DCC: variants seen among roughly 807,000 people sequenced by gnomAD.
DCC encodes DCC netrin 1 receptor.
DCC carries 58 observed loss-of-function variants against 172.5 expected under a neutral mutation model. The ratio of observed to expected loss-of-function variants is 0.34; its 90% confidence interval spans 0.27 to 0.42. The LOEUF (loss-of-function observed/expected upper bound fraction) is 0.42. Among genes scored for constraint, DCC ranks in the 10% least tolerant of loss-of-function variants. The pLI, the probability that DCC is intolerant of heterozygous loss-of-function variation, is 1.00. For synonymous variants in DCC, 709 were observed against 644.5 expected (o/e 1.10, Z -1.52); for missense variants, 1,740 against 1,791.0 (o/e 0.97, Z 0.51).
chr18:53,164,492 A>G (rs750114137), intron 8 of DCC, among the ~76,000 whole-genome samples: 3 of 152,202 alleles, frequency 2.0e-5, no homozygotes, highest in Admixed American at 2.0e-4. Flanking sequence ...ATAACACAGT[A>G]TAGCCAAAAG....
intron 7 of DCC, among the ~76,000 whole-genome samples, chr18:53,104,060 A>G (rs575688014): frequency 6.6e-6 from 1 of 152,162 alleles, no homozygotes; most frequent in Admixed American, 6.6e-5. Context: ...CAAACAACAT[A>G]CCAAAATCTT....
At chr18:53,057,780 G>A (rs1241803677) in intron 5 of DCC, among the ~76,000 whole-genome samples, 2 of 152,106 alleles carry the variant, frequency 1.3e-5, no homozygotes, top group African/African-American at 4.8e-5. Context: ...CTAAAGTAGT[G>A]AAATGAGTCC....
chr18:52,498,435 C>A (rs1055268896), intron 1 of DCC, among the ~76,000 whole-genome samples: 1 of 152,000 alleles, frequency 6.6e-6, no homozygotes, highest in Non-Finnish European at 1.5e-5. Context: ...ACCAGCCTGG[C>A]CAACATGGTG....
chr18:53,323,752 T>G (rs1281271317), intron 14 of DCC, among the ~76,000 whole-genome samples: 1 of 152,118 alleles, frequency 6.6e-6, no homozygotes, highest in African/African-American at 2.4e-5. Flanking sequence ...GACTTGCATT[T>G]AAATTGAGAC....
chr18:53,420,269 G>A (rs12327265), intron 21 of DCC, among the ~76,000 whole-genome samples: 65,666 of 152,016 alleles, frequency 0.43, 15,983 homozygotes, highest in Non-Finnish European at 0.56. Context: ...AGTTTTGTTT[G>A]CTGTTATTTG....
intron 3 of DCC, among the ~76,000 whole-genome samples, chr18:52,911,573 A>C (rs1461930599): frequency 6.6e-6 from 1 of 152,000 alleles, no homozygotes; most frequent in Non-Finnish European, 1.5e-5. Flanking sequence ...ATTTATGCCT[A>C]GGAATTTAGA....
chr18:52,701,902 T>C (rs538381673), intron 1 of DCC, among the ~76,000 whole-genome samples: 2 of 152,336 alleles, frequency 1.3e-5, no homozygotes, highest in East Asian at 3.9e-4. Flanking sequence ...CTAGTTATTA[T>C]TGCTCCTTGT....
chr18:53,524,320 T>A (rs555362383), intron 27 of DCC, among the ~76,000 whole-genome samples: 3 of 152,032 alleles, frequency 2.0e-5, no homozygotes, highest in African/African-American at 7.2e-5. Context: ...AGGAAAATGT[T>A]CATAATGAAA....
At chr18:52,621,705 A>C (rs1198966148) in intron 1 of DCC, among the ~76,000 whole-genome samples, 1 of 152,204 alleles carries the variant, frequency 6.6e-6, no homozygotes, top group Non-Finnish European at 1.5e-5. Context: ...CCTCCTTGGC[A>C]ATTGATTCCC....
intron 12 of DCC, among the ~76,000 whole-genome samples, chr18:53,244,603 TG>T (rs905809201): frequency 2.6e-5 from 4 of 152,112 alleles, no homozygotes; most frequent in Non-Finnish European, 5.9e-5. Flanking sequence ...CAGCTGATGT[TG>T]GCTTTGTCGG....
chr18:53,303,241 GCAAT>G (rs1222408855), intron 12 of DCC, among the ~76,000 whole-genome samples: 2 of 151,904 alleles, frequency 1.3e-5, no homozygotes, highest in Admixed American at 1.3e-4. Context: ...TTTAATTTGT[GCAAT>G]CAAATTATAT....
intron 15 of DCC, among the ~76,000 whole-genome samples, chr18:53,381,560 A>ACCCCC (rs747015453): frequency 1.9e-4 from 18 of 93,568 alleles, no homozygotes; most frequent in East Asian, 3.3e-4. Context: ...TTTACCCCCC[A>ACCCCC]CCCCCCCCCC....
At chr18:52,738,791 G>A (rs2036768665) in intron 1 of DCC, among the ~76,000 whole-genome samples, 1 of 147,456 alleles carries the variant, frequency 6.8e-6, no homozygotes, top group Non-Finnish European at 1.5e-5. Flanking sequence ...CCAGGCTGGA[G>A]TGCAGTGGCA....
chr18:52,351,503 G>A (rs923351933), intron 1 of DCC, among the ~76,000 whole-genome samples: 25 of 151,878 alleles, frequency 1.6e-4, no homozygotes, highest in African/African-American at 2.9e-4. Context: ...GAGGTGTTAC[G>A]GACATATGTA....
chr18:52,437,751 C>A (rs1437372693), intron 1 of DCC, among the ~76,000 whole-genome samples: 1 of 152,164 alleles, frequency 6.6e-6, no homozygotes, highest in Non-Finnish European at 1.5e-5. Context: ...TCTTCCCAGG[C>A]AAAATTTAAC....
At chr18:53,201,047 G>A (rs2055528990) in intron 9 of DCC, among the ~76,000 whole-genome samples, 1 of 152,098 alleles carries the variant, frequency 6.6e-6, no homozygotes, top group Non-Finnish European at 1.5e-5. Flanking sequence ...GAGTCCATTT[G>A]AATTGTGTCA....
chr18:52,957,641 G>A (rs1383098666), intron 5 of DCC, among the ~76,000 whole-genome samples: 1 of 152,112 alleles, frequency 6.6e-6, no homozygotes, highest in African/African-American at 2.4e-5. Context: ...TGTGAACAGA[G>A]GAAGGCTCTC....
chr18:53,344,053 G>T (rs1457865853), intron 15 of DCC, among the ~76,000 whole-genome samples: 3 of 151,486 alleles, frequency 2.0e-5, no homozygotes, highest in Admixed American at 2.0e-4. Context: ...TACTAATTTT[G>T]TTGATCTTGT....
At chr18:53,342,644 A>G (rs1487968621) in intron 15 of DCC, among the ~76,000 whole-genome samples, 1 of 149,876 alleles carries the variant, frequency 6.7e-6, no homozygotes, top group Non-Finnish European at 1.5e-5. Flanking sequence ...TTATAGTTTC[A>G]AATGTAAAGG....
Sources: allele counts gnomAD v4.1 joint callset (sites outside exome capture counted in the v4.1 genomes callset), GRCh38; gene constraint gnomAD v4.1.1; transcripts MANE v1.5; gene names NCBI Gene and HGNC (gene_info 2026-07-23, HGNC 2026-07-21).